CPB1: variants seen among roughly 807,000 people sequenced by gnomAD.
CPB1 encodes carboxypeptidase B1.
Under a neutral mutation model 51.4 loss-of-function variants are expected in CPB1, and 53 were observed. The ratio of observed to expected loss-of-function variants is 1.03; its 90% confidence interval spans 0.83 to 1.30. The LOEUF (loss-of-function observed/expected upper bound fraction) is 1.30, where lower values mean the gene tolerates loss of function less well. Among genes scored for constraint, CPB1 ranks in the 50% most tolerant of loss-of-function variants. The probability of loss-of-function intolerance (pLI) is 0.00; values close to 1 mark genes in which losing one functional copy is unlikely to be tolerated. For missense variants in CPB1, 494 were observed against 516.2 expected (o/e 0.96, Z 0.42); for synonymous variants, 189 against 186.9 (o/e 1.01, Z -0.09).
chr3:148,857,516 A>G lies in CPB1; in HGVS notation c.1041A>G (p.Thr347=). Residue 347 remains threonine (T), a synonymous_variant, in exon 10 of 11, where the codon ACA becomes ACG. Transcript: ENST00000282957. ...ELASLHGTKY[T]YGPGATTIYP... ...CCTCACTGCACGGCACCAAGTACAC[A>G]TATGGCCCGGGAGCTACAACAATCT... 1 of 1,613,978 alleles carries G rather than the reference A, an allele frequency of 6.2e-7. No homozygotes were observed. Among genetic ancestry groups the G allele is most frequent in the Non-Finnish European group, 8.5e-7 (1 of 1,179,876 alleles).
chr3:148,840,525 G>A (rs1314028511), intron 3 of CPB1, among the ~76,000 whole-genome samples, 161 bp from the exon 4 acceptor site: 6 of 152,134 alleles, frequency 3.9e-5, no homozygotes, highest in Non-Finnish European at 8.8e-5. Context: ...GAATCTCTCT[G>A]GAGCAGCTGA....
intron 3 of CPB1, among the ~76,000 whole-genome samples, chr3:148,839,957 C>T (rs922333634): frequency 6.6e-6 from 1 of 152,056 alleles, no homozygotes; most frequent in African/African-American, 2.4e-5. Flanking sequence ...CACACACACA[C>T]CTTCAGACTG....
At chr3:148,849,728 T>G (rs1713368054) in intron 9 of CPB1, among the ~76,000 whole-genome samples, 1 of 152,258 alleles carries the variant, frequency 6.6e-6, no homozygotes. Context: ...CTTGCACCAT[T>G]TCTCTGCATT....
intron 3 of CPB1, among the ~76,000 whole-genome samples, chr3:148,835,718 C>T (rs913871257): frequency 1.4e-4 from 22 of 152,156 alleles, no homozygotes; most frequent in Middle Eastern, 3.2e-3. Context: ...AATGTTTATC[C>T]GGCAATCCCC....
intron 6 of CPB1, among the ~76,000 whole-genome samples, chr3:148,842,672 G>A (rs1288702617): frequency 6.6e-6 from 1 of 152,118 alleles, no homozygotes; most frequent in East Asian, 1.9e-4. Flanking sequence ...ATCCACAGAT[G>A]GATGTAAAAT....
At position 148,844,710 on chromosome 3, in the gene CPB1, A is replaced by G. The variant is rs766411111; in HGVS notation, c.721A>G (p.Thr241Ala). The change falls in exon 8 of 11, where the codon ACT becomes GCT. Residue 241 changes from threonine (T) to alanine (A), a missense_variant. Coordinates refer to ENST00000282957, the MANE Select transcript of CPB1 (RefSeq NM_001871.3). ...RFWRKTRSTH[T>A]GSSCIGTDPN... Reference sequence around the variant, plus strand: ...TTGGAGAAAGACTCGCTCCACCCATACTGGATCTAGCTGCATTGGCACAGA... The same window carrying G: ...TTGGAGAAAGACTCGCTCCACCCATGCTGGATCTAGCTGCATTGGCACAGA... 2 of 1,613,994 alleles carry G rather than the reference A, an allele frequency of 1.2e-6. No homozygotes were observed. Among genetic ancestry groups the G allele is most frequent in the Non-Finnish European group, 1.7e-6 (2 of 1,179,872 alleles).
Position 148,841,886 on chromosome 3 carries a change from T to C in CPB1, c.538T>C (p.Trp180Arg). 3 of 1,613,854 alleles carry C rather than the reference T, an allele frequency of 1.9e-6. No homozygotes were observed. The highest frequency in any genetic ancestry group is 2.5e-6 in the Non-Finnish European group (3 of 1,179,850). Residue 180 changes from tryptophan to arginine, a missense_variant, in exon 6 of 11, where the codon TGG (tryptophan) becomes CGG (arginine). Transcript: ENST00000282957. ...FMDCGFHARE[W>R]ISPAFCQWFV... ...GGACTGTGGTTTCCATGCCAGAGAGTGGATTTCTCCTGCATTCTGCCAGTG... is the reference window on the plus strand; with the variant it reads ...GGACTGTGGTTTCCATGCCAGAGAGCGGATTTCTCCTGCATTCTGCCAGTG...
intron 9 of CPB1, among the ~76,000 whole-genome samples, chr3:148,847,302 CT>C (rs1051939138): frequency 2.1e-5 from 3 of 141,972 alleles, no homozygotes; most frequent in African/African-American, 7.9e-5. Context: ...GATGAGACAG[CT>C]TTGTTGCCAC....
At chr3:148,849,449 T>C (rs955540787) in intron 9 of CPB1, among the ~76,000 whole-genome samples, 7 of 152,216 alleles carry the variant, frequency 4.6e-5, no homozygotes, top group Non-Finnish European at 8.8e-5. Flanking sequence ...GACCTTGTTA[T>C]TGTCAGAGAA....
rs1713095282 is a variant in CPB1 at position 148,841,853 on chromosome 3, A to G, written c.505A>G (p.Ile169Val). The G allele has an allele frequency of 6.2e-7, 1 of 1,613,888 alleles. No individual in the cohort carries two copies. Among genetic ancestry groups the G allele is most frequent in the Non-Finnish European group, 8.5e-7 (1 of 1,179,870 alleles). The change falls in exon 6 of 11, where the codon ATT becomes GTT. Residue 169 changes from isoleucine to valine, a missense_variant. Coordinates refer to ENST00000282957, the MANE Select transcript of CPB1 (RefSeq NM_001871.3). ...CAAAGCTGGACAAAATAAGCCTGCC[A>G]TTTTCATGGACTGTGGTTTCCATGC... ...VGKAGQNKPAIFMDCGFHARE... is the reference protein window; with the variant it reads ...VGKAGQNKPAVFMDCGFHARE...
At chr3:148,836,165 T>C (rs916586537) in intron 3 of CPB1, among the ~76,000 whole-genome samples, 4 of 152,160 alleles carry the variant, frequency 2.6e-5, no homozygotes, top group African/African-American at 7.2e-5. Flanking sequence ...TACGTTTTTT[T>C]TTTTAAGAGT....
Position 148,832,706 on chromosome 3 carries a change from T to C in CPB1, c.148-1792T>C, listed in dbSNP as rs146548190. On this transcript the variant is annotated intron_variant, in intron 2 of 10. Coordinates refer to ENST00000282957, the MANE Select transcript of CPB1 (RefSeq NM_001871.3). ...TCATTCGCTTTTCAGGATTCTTGGT[T>C]GAACCACAAAGAATAATTTCCTTGG... Among the ~76,000 whole-genome samples the C allele has an allele frequency of 4.0e-3, 604 of 152,324 alleles. 6 individuals are homozygous for C. Among genetic ancestry groups the C allele is most frequent in the African/African-American group, 0.014 (573 of 41,576 alleles).
chr3:148,859,314 G>T (rs1000736284), intron 10 of CPB1, among the ~76,000 whole-genome samples: 3 of 151,548 alleles, frequency 2.0e-5, no homozygotes, highest in African/African-American at 4.9e-5. Context: ...GATTGTTATT[G>T]AATAAATTAA....
chr3:148,833,121 C>G (rs1712789666), intron 2 of CPB1, among the ~76,000 whole-genome samples: 1 of 152,166 alleles, frequency 6.6e-6, no homozygotes. Context: ...CTTTCTCTGT[C>G]CTTATCTTAG....
intron 3 of CPB1, among the ~76,000 whole-genome samples, chr3:148,835,199 C>T (rs1308072716): frequency 1.3e-5 from 2 of 152,172 alleles, no homozygotes; most frequent in Admixed American, 1.3e-4. Context: ...ATACCACTTT[C>T]GTTCATCTAG....
chr3:148,844,704 A>C lies in CPB1; in HGVS notation c.715A>C (p.Thr239Pro). Reference sequence around the variant, plus strand: ...CCGATTTTGGAGAAAGACTCGCTCCACCCATACTGGATCTAGCTGCATTGG... The same window carrying C: ...CCGATTTTGGAGAAAGACTCGCTCCCCCCATACTGGATCTAGCTGCATTGG... The part of the protein sequence containing the change: ...KSRFWRKTRS[T>P]HTGSSCIGTD... The change falls in exon 8 of 11, where the codon ACC becomes CCC. Residue 239 changes from threonine to proline, a missense_variant. Transcript: ENST00000282957. 1 of 1,613,972 alleles carries C rather than the reference A, an allele frequency of 6.2e-7. No homozygotes were observed. Among genetic ancestry groups the C allele is most frequent in the Non-Finnish European group, 8.5e-7 (1 of 1,179,862 alleles).
chr3:148,834,710 G>A, intron 3 of CPB1, 88 bp downstream of exon 3: 1 of 1,311,210 alleles, frequency 7.6e-7, no homozygotes, highest in Non-Finnish European at 1.0e-6. Context: ...GAAGAAATGA[G>A]ACCAAGACCA....
chr3:148,852,359 C>G (rs73866675), intron 9 of CPB1, among the ~76,000 whole-genome samples: 1 of 152,168 alleles, frequency 6.6e-6, no homozygotes, highest in African/African-American at 2.4e-5. Flanking sequence ...TCGAGCTCTA[C>G]TGGCATCTAG....
At chr3:148,842,605 A>G (rs938229320) in intron 6 of CPB1, among the ~76,000 whole-genome samples, 1 of 152,244 alleles carries the variant, frequency 6.6e-6, no homozygotes, top group Non-Finnish European at 1.5e-5. Flanking sequence ...ATGTACAAAG[A>G]ATGAGCAAAA....
Sources: gnomAD v4.1 joint callset for allele counts (sites outside exome capture counted in the v4.1 genomes callset) on GRCh38, gnomAD v4.1.1 for gene constraint, MANE v1.5 for transcripts, NCBI Gene and HGNC (gene_info 2026-07-23, HGNC 2026-07-21) for gene names.